Variants in FBLN1 observed in about 807,000 individuals in gnomAD.
FBLN1 encodes fibulin 1.
In FBLN1, 34 loss-of-function variants were observed where a neutral mutation model predicts 89.7. The ratio of observed to expected loss-of-function variants is 0.38; its 90% CI spans 0.29 to 0.50. The LOEUF (loss-of-function observed/expected upper bound fraction) is 0.50. FBLN1 is among the 20% of genes least tolerant of loss of function. The probability of loss-of-function intolerance (pLI) is 0.92; values close to 1 mark genes in which losing one functional copy is unlikely to be tolerated. For synonymous variants in FBLN1, 393 were observed against 391.3 expected, an observed-to-expected ratio of 1.00 and a Z score of -0.05; for missense variants, 777 against 988.1, an observed-to-expected ratio of 0.79 and a Z score of 2.86.
chr22:45,600,507 T>C lies in FBLN1; in HGVS notation c.*61T>C. On this transcript the variant is annotated 3_prime_UTR_variant, in exon 17 of 17. Coordinates refer to ENST00000327858, the MANE Select transcript of FBLN1 (RefSeq NM_006486.3). Reference sequence around the variant, plus strand: ...AGGCCAAATCATTGCTGCCAGTGACTGTGGTCTGTACTTGTTTATACCCTC... The same window carrying C: ...AGGCCAAATCATTGCTGCCAGTGACCGTGGTCTGTACTTGTTTATACCCTC... 1.9e-6 allele frequency: 3 copies of C among 1,602,408 alleles called. No homozygotes were observed. Among genetic ancestry groups the C allele is most frequent in the Non-Finnish European group, 2.6e-6 (3 of 1,169,480 alleles).
rs78946187 is a variant in FBLN1 at position 45,563,277 on chromosome 22, C to G, written c.1698-11234C>G. On this transcript the variant is annotated intron_variant, in intron 14 of 16. Transcript: ENST00000327858. The surrounding 1 kb of genome is among the most constrained non-coding windows in gnomAD (Gnocchi z 5.7). ...TCTGCAGAGCTCTGAGCACTCGCTTCGCGTCGCGGGGTCTCCCTCCTGTTG... is the reference window on the plus strand; with the variant it reads ...TCTGCAGAGCTCTGAGCACTCGCTTGGCGTCGCGGGGTCTCCCTCCTGTTG... The G allele has an allele frequency of 2.5e-6, 4 of 1,613,434 alleles. No homozygotes were observed. The East Asian group carries it at 6.7e-5, about 27-fold the overall frequency.
At chr22:45,509,842 G>T (rs2088074407) in intron 1 of FBLN1, among the ~76,000 whole-genome samples, 1 of 151,970 alleles carries the variant, frequency 6.6e-6, no homozygotes, top group Admixed American at 6.6e-5. Context: ...CACCACGGAG[G>T]CCACTCCAAC....
At chr22:45,542,695 G>C (rs2088572917) in intron 10 of FBLN1, among the ~76,000 whole-genome samples, 1 of 152,228 alleles carries the variant, frequency 6.6e-6, no homozygotes, top group African/African-American at 2.4e-5. Context: ...AGTGGGGTCA[G>C]GTCTTGTCCA....
chr22:45,507,366 G>C (rs931668314), intron 1 of FBLN1, among the ~76,000 whole-genome samples: 5 of 152,220 alleles, frequency 3.3e-5, no homozygotes, highest in Admixed American at 6.5e-5. Flanking sequence ...GAGAGATCTT[G>C]ATGACACCCA....
At chr22:45,569,642 AAAGAAGAAGAAGAAGAAGAAGAAG>A (rs56907104) in intron 14 of FBLN1, among the ~76,000 whole-genome samples, 16 of 149,858 alleles carry the variant, frequency 1.1e-4, no homozygotes, top group African/African-American at 3.2e-4. Context: ...CTGTCTCAAA[AAAGAAGAAGAAGAAGAAGAAGAAG>A]AAGAAGAAGA....
rs1438725467 is a variant in FBLN1 at position 45,545,913 on chromosome 22, T to C, written c.1322-1172T>C. Among the ~76,000 whole-genome samples, 3 of 152,092 alleles carry C rather than the reference T, an allele frequency of 2.0e-5. No individual in the cohort carries two copies. The highest frequency in any genetic ancestry group is 4.4e-5 in the Non-Finnish European group (3 of 68,012). ...CTGTAATCCCAGCACTTTGGGAGGC[T>C]GAGGCAGGTGGATTACTTGAGGTCA... On this transcript the variant is annotated intron_variant, in intron 11 of 16. Transcript: ENST00000327858. This position sits in a 1 kb window ranked among gnomAD's most constrained non-coding sequence, Gnocchi z 5.9.
intron 1 of FBLN1, among the ~76,000 whole-genome samples, chr22:45,512,594 T>G (rs568922790): frequency 1.3e-5 from 2 of 152,028 alleles, no homozygotes; most frequent in Non-Finnish European, 2.9e-5. Flanking sequence ...TGTTTGGATA[T>G]CCACAGGTGA....
In FBLN1 at chr22:45,578,786, A is replaced by G. The variant is rs1195488090; in HGVS notation, c.1972+1678A>G. Among the ~76,000 whole-genome samples, 1 of 152,022 alleles carries G rather than the reference A, an allele frequency of 6.6e-6. No homozygotes were observed. The highest frequency in any genetic ancestry group is 2.4e-5 in the African/African-American group (1 of 41,354). ...TGATTTCTAGATCTTGGAACATGGG[A>G]GTTTGGAATCCTAGGACCTTCTAGT... On this transcript the variant is annotated intron_variant, in intron 16 of 16. Transcript: ENST00000327858. The surrounding 1 kb of genome is among the most constrained non-coding windows in gnomAD (Gnocchi z 4.6).
chr22:45,596,607 A>G lies in FBLN1; in HGVS notation c.1973-3700A>G, dbSNP rs530684705. Among the ~76,000 whole-genome samples the G allele has an allele frequency of 1.1e-4, 16 of 148,874 alleles. No individual in the cohort carries two copies. In the South Asian group the frequency reaches 3.1e-3, roughly 29 times the overall value. On this transcript the variant is annotated intron_variant, in intron 16 of 16. Transcript: ENST00000327858. ...ATATCAACATAAGAATATGATTACT[A>G]TATACATATATCAACATAATAATAT...
intron 8 of FBLN1, among the ~76,000 whole-genome samples, chr22:45,535,976 T>C (rs987008722): frequency 1.3e-5 from 2 of 151,690 alleles, no homozygotes; most frequent in East Asian, 3.9e-4. Flanking sequence ...TGAGCCCAGG[T>C]TTTTGAGGCC....
At chr22:45,567,608 T>G (rs116560704) in intron 14 of FBLN1, among the ~76,000 whole-genome samples, 2 of 152,048 alleles carry the variant, frequency 1.3e-5, no homozygotes, top group Non-Finnish European at 2.9e-5. Flanking sequence ...AGAGTGAGAC[T>G]TTGTCTCAGA....
At chr22:45,534,779 C>G (rs2088462788) in intron 7 of FBLN1, among the ~76,000 whole-genome samples, 1 of 152,222 alleles carries the variant, frequency 6.6e-6, no homozygotes, top group Admixed American at 6.5e-5. Context: ...CACATCCCAT[C>G]ATGACTGTAA....
rs16994215 is a variant in FBLN1, at chr22:45,543,616, G to A, written c.1321+90G>A. On this transcript the variant is annotated intron_variant, in intron 11 of 16. Coordinates refer to ENST00000327858, the MANE Select transcript of FBLN1 (RefSeq NM_006486.3). ...CTGCAGACCGGTTTGCAGCAGATCCGCGATGGTTTCCCTGTTAAATGACAT... is the reference window on the plus strand; with the variant it reads ...CTGCAGACCGGTTTGCAGCAGATCCACGATGGTTTCCCTGTTAAATGACAT... 3,202 of 1,490,368 alleles carry A rather than the reference G, an allele frequency of 2.1e-3. 48 individuals carry two copies. The African/African-American group carries it at 0.038, about 18-fold the overall frequency. The allele number at this position is 1,490,368 out of a possible 1,614,324, so 92.3% of individuals were successfully genotyped here. A position where few individuals can be genotyped will look rare whatever the true frequency, so the allele number is the denominator to read the frequency against.
Position 45,533,769 on chromosome 22 carries a change from G to T in FBLN1, c.655G>T (p.Glu219Ter). 6.2e-7 allele frequency: 1 copy of T among 1,612,280 alleles called. No individual in the cohort carries two copies. The highest frequency in any genetic ancestry group is 1.1e-5 in the South Asian group (1 of 91,040). The change falls in exon 7 of 17, where the codon GAA becomes TAA. Residue 219 changes from glutamate to a stop codon, truncating the protein, a stop_gained. Coordinates refer to ENST00000327858, the MANE Select transcript of FBLN1 (RefSeq NM_006486.3). LOFTEE classifies it high-confidence loss of function. The part of the protein sequence containing the change: ...SDGVSCEDVN[E>*]CITGSHSCRL... ...GCCTCGGTCTCTCCTAGATGTCAAT[G>T]AATGCATCACGGGCAGCCACAGCTG...
chr22:45,509,000 G>A (rs891722330), intron 1 of FBLN1, among the ~76,000 whole-genome samples: 9 of 152,188 alleles, frequency 5.9e-5, no homozygotes, highest in South Asian at 2.1e-4. Flanking sequence ...GTGCATTGGC[G>A]GTAGTTAGGG....
intron 1 of FBLN1, among the ~76,000 whole-genome samples, chr22:45,512,186 G>A (rs994520894): frequency 6.6e-6 from 1 of 151,988 alleles, no homozygotes; most frequent in African/African-American, 2.4e-5. Flanking sequence ...TGGGATGGAA[G>A]AAGCAGGCGT....
Position 45,574,063 on chromosome 22 carries a change from G to A in FBLN1, c.1698-448G>A, listed in dbSNP as rs1473867729. 6.6e-6 allele frequency among the ~76,000 whole-genome samples: 1 copy of A among 152,134 alleles called. No homozygotes were observed. Among genetic ancestry groups the A allele is most frequent in the Non-Finnish European group, 1.5e-5 (1 of 68,034 alleles). On this transcript the variant is annotated intron_variant, in intron 14 of 16. Transcript: ENST00000327858. The surrounding 1 kb of genome is among the most constrained non-coding windows in gnomAD (Gnocchi z 4.1). ...CTTGGCGCTTTCTATCTGCTCCTTC[G>A]TTTATTACCCTGCTGCCCAGCCTCA...
chr22:45,531,168 C>A lies in FBLN1; in HGVS notation c.485-97C>A. The A allele has an allele frequency of 9.6e-7, 1 of 1,046,476 alleles. No homozygotes were observed. The highest frequency in any genetic ancestry group is 1.5e-6 in the Non-Finnish European group (1 of 663,746). The allele number at this position is 1,046,476 out of a possible 1,614,324, so 64.8% of individuals were successfully genotyped here. A position where few individuals can be genotyped will look rare whatever the true frequency, so the allele number is the denominator to read the frequency against. The stretch of plus-strand genomic sequence containing the variant: ...ATATAAGATGTTCAAATGGGCATTA[C>A]TGCCTGATAGTGACAAGAAGAGAGA... On this transcript the variant is annotated intron_variant, in intron 4 of 16. Transcript: ENST00000327858. This position sits in a 1 kb window ranked among gnomAD's most constrained non-coding sequence, Gnocchi z 4.9.
chr22:45,589,117 T>A lies in FBLN1; in HGVS notation c.1973-11190T>A, dbSNP rs1047568116. On this transcript the variant is annotated intron_variant, in intron 16 of 16. Transcript: ENST00000327858. The stretch of plus-strand genomic sequence containing the variant: ...ATATAAAAAATATATAAAAATATTT[T>A]TATATATATAAAAAATATGTAAAAA... 4.7e-5 allele frequency among the ~76,000 whole-genome samples: 7 copies of A among 147,952 alleles called. No homozygotes were observed. The South Asian group carries it at 8.4e-4, about 18-fold the overall frequency.
Sources: gnomAD v4.1 joint callset for allele counts (sites outside exome capture counted in the v4.1 genomes callset) on GRCh38, gnomAD v4.1.1 for gene constraint, Gnocchi (gnomAD v3.1) non-coding constraint, MANE v1.5 for transcripts, NCBI Gene and HGNC (gene_info 2026-07-23, HGNC 2026-07-21) for gene names.